Variants in NRXN3 observed in about 807,000 individuals in gnomAD.
NRXN3 encodes the protein neurexin III.
A neutral mutation model predicts 137.6 loss-of-function variants in NRXN3; 32 were observed. The ratio of observed to expected loss-of-function variants is 0.23; its 90% CI spans 0.18 to 0.31. The LOEUF is 0.31. NRXN3 is among the 10% of genes least tolerant of loss of function. The probability of loss-of-function intolerance (pLI) is 1.00; values close to 1 mark genes in which losing one functional copy is unlikely to be tolerated. For synonymous variants in NRXN3, 798 were observed against 784.5 expected (o/e 1.02, Z -0.29); for missense variants, 1,574 against 2,062.5 (o/e 0.76, Z 4.59).
intron 6 of NRXN3, among the ~76,000 whole-genome samples, chr14:78,708,910 C>A (rs1036488650): frequency 6.6e-6 from 1 of 152,178 alleles, no homozygotes. Context: ...GTATGTGAAT[C>A]CATGCAACTC....
chr14:79,435,192 C>T (rs1029703068), intron 15 of NRXN3, among the ~76,000 whole-genome samples: 3 of 151,840 alleles, frequency 2.0e-5, no homozygotes, highest in African/African-American at 7.3e-5. Flanking sequence ...AAGTAATTTG[C>T]TGAGGGATCA....
In NRXN3 at chr14:79,229,585, G is replaced by T. The variant is rs1488323411; in HGVS notation, c.3263-237636G>T. ...TTCTACCTGTCAGCAGGATGGAGGA[G>T]TAAAGACAGATCTGTCCTGTTTGTC... On this transcript the variant is annotated intron_variant, in intron 15 of 20. Transcript: ENST00000335750. Among the ~76,000 whole-genome samples, 5 of 152,288 alleles carry T rather than the reference G, an allele frequency of 3.3e-5. No individual in the cohort carries two copies. The East Asian group carries it at 5.8e-4, about 18-fold the overall frequency.
intron 3 of NRXN3, among the ~76,000 whole-genome samples, chr14:78,282,834 C>T (rs988403464): frequency 2.6e-5 from 4 of 152,214 alleles, no homozygotes; most frequent in African/African-American, 9.6e-5. Context: ...GGAGACAGCT[C>T]TAGTCTGACT....
chr14:79,385,286 A>G (rs1053366006), intron 15 of NRXN3, among the ~76,000 whole-genome samples: 2 of 134,120 alleles, frequency 1.5e-5, no homozygotes, highest in African/African-American at 5.6e-5. Context: ...TTCAATTCCC[A>G]CCTATGAGTG....
intron 16 of NRXN3, among the ~76,000 whole-genome samples, chr14:79,596,725 C>T (rs143348767): frequency 3.3e-5 from 5 of 152,114 alleles, no homozygotes; most frequent in Non-Finnish European, 7.4e-5. Context: ...CTGGGGCTGA[C>T]CTGTCTCTGG....
chr14:79,136,809 C>G (rs980182815), intron 15 of NRXN3, among the ~76,000 whole-genome samples: 4 of 152,196 alleles, frequency 2.6e-5, no homozygotes, highest in Non-Finnish European at 5.9e-5. Context: ...AAAACGAACA[C>G]TGTAAAACAC....
At chr14:79,444,833 AT>A (rs1312063781) in intron 15 of NRXN3, among the ~76,000 whole-genome samples, 33 of 152,300 alleles carry the variant, frequency 2.2e-4, no homozygotes, top group Admixed American at 7.8e-4. Flanking sequence ...CTCTAAAAAA[AT>A]AAATTTAAAA....
chr14:78,649,244 C>G, intron 5 of NRXN3: 1 of 1,338,980 alleles, frequency 7.5e-7, no homozygotes, highest in Non-Finnish European at 9.9e-7. Context: ...TTTTAATTTC[C>G]TTTCTTCCCC....
At chr14:78,934,333 G>A (rs1227958909) in intron 10 of NRXN3, among the ~76,000 whole-genome samples, 2 of 152,124 alleles carry the variant, frequency 1.3e-5, no homozygotes, top group African/African-American at 2.4e-5. Context: ...TTAAAGGAAA[G>A]TGTCCCTTTC....
chr14:79,704,366 A>G (rs2098767889), intron 19 of NRXN3, among the ~76,000 whole-genome samples: 1 of 152,092 alleles, frequency 6.6e-6, no homozygotes, highest in Admixed American at 6.6e-5. Context: ...CTTATCCCCA[A>G]ATACTGTGCT....
chr14:78,532,502 C>CTCATTCA (rs1159126802), intron 4 of NRXN3, among the ~76,000 whole-genome samples: 1 of 151,542 alleles, frequency 6.6e-6, no homozygotes, highest in Non-Finnish European at 1.5e-5. Flanking sequence ...GATGACTTCT[C>CTCATTCA]TCATTCAAGA....
At chr14:78,277,339 C>G (rs1277628111) in intron 2 of NRXN3, among the ~76,000 whole-genome samples, 7 of 152,164 alleles carry the variant, frequency 4.6e-5, no homozygotes, top group African/African-American at 1.7e-4. Context: ...GACGCTCACC[C>G]AGCTTCCCCA....
At chr14:78,918,381 T>C (rs772176866) in intron 10 of NRXN3, among the ~76,000 whole-genome samples, 5 of 145,516 alleles carry the variant, frequency 3.4e-5, no homozygotes, top group Non-Finnish European at 6.0e-5. Context: ...CATTTCATAA[T>C]AAAACGAATA....
chr14:79,128,829 C>T (rs1285207424), intron 15 of NRXN3, among the ~76,000 whole-genome samples: 1 of 151,702 alleles, frequency 6.6e-6, no homozygotes, highest in Non-Finnish European at 1.5e-5. Context: ...GGTTGGTAAG[C>T]TATTGATTAT....
At chr14:79,785,066 G>A (rs1212126694) in intron 19 of NRXN3, among the ~76,000 whole-genome samples, 1 of 152,154 alleles carries the variant, frequency 6.6e-6, no homozygotes, top group African/African-American at 2.4e-5. Context: ...GGTGAAAACA[G>A]GTATTCCATT....
intron 4 of NRXN3, among the ~76,000 whole-genome samples, chr14:78,597,710 A>G (rs2097169272): frequency 6.6e-6 from 1 of 152,212 alleles, no homozygotes; most frequent in East Asian, 1.9e-4. Context: ...TCTTCTTTCC[A>G]TTTTGTTCAA....
rs571983242 is a variant in NRXN3, at chr14:78,404,608, A to G, written c.757+106748A>G. On this transcript the variant is annotated intron_variant, in intron 4 of 20. Transcript: ENST00000335750. ...AACAGAAATCATAATGTCACCCTGG[A>G]GATAATTATTATGCTGTTAGTGATC... 1.2e-4 allele frequency among the ~76,000 whole-genome samples: 18 copies of G among 152,302 alleles called. No individual in the cohort carries two copies. In the East Asian group the frequency reaches 3.5e-3, roughly 29 times the overall value.
At chr14:78,477,509 A>G (rs979782221) in intron 4 of NRXN3, among the ~76,000 whole-genome samples, 2 of 152,232 alleles carry the variant, frequency 1.3e-5, no homozygotes, top group Non-Finnish European at 2.9e-5. Context: ...TTCTCCAAAG[A>G]AGGGAGCATG....
chr14:79,163,210 A>T (rs988044269), intron 15 of NRXN3, among the ~76,000 whole-genome samples: 1 of 151,978 alleles, frequency 6.6e-6, no homozygotes, highest in Non-Finnish European at 1.5e-5. Context: ...ATTATAGTCT[A>T]TGCTCACAGA....
Sources: gnomAD v4.1 joint callset for allele counts (sites outside exome capture counted in the v4.1 genomes callset) on GRCh38, gnomAD v4.1.1 for gene constraint, MANE v1.5 for transcripts, NCBI Gene and HGNC (gene_info 2026-07-23, HGNC 2026-07-21) for gene names.